Variants in UPF2 observed in about 807,000 individuals in gnomAD.
UPF2 encodes regulator of nonsense transcripts 2.
A neutral mutation model predicts 141.4 loss-of-function variants in UPF2; 17 were observed. That is an observed-to-expected ratio of 0.12 (90% CI 0.08 to 0.18). UPF2 has a LOEUF of 0.18. Ranked by LOEUF, UPF2 falls within the 10% of genes least tolerant of loss-of-function variation. UPF2 has a pLI of 1.00. For missense variants in UPF2, 1,152 were observed against 1,515.9 expected, an observed-to-expected ratio of 0.76 and a Z score of 3.99; for synonymous variants, 540 against 498.0, an observed-to-expected ratio of 1.08 and a Z score of -1.12.
At chr10:11,981,874 C>G (rs1417288816) in intron 8 of UPF2, among the ~76,000 whole-genome samples, 1 of 152,152 alleles carries the variant, frequency 6.6e-6, no homozygotes, top group Non-Finnish European at 1.5e-5. Flanking sequence ...TTAGCAGAGA[C>G]AGGGTTTCCC....
At chr10:11,970,791 G>A (rs549374208) in intron 9 of UPF2, among the ~76,000 whole-genome samples, 3 of 151,942 alleles carry the variant, frequency 2.0e-5, no homozygotes, top group Admixed American at 6.6e-5. Context: ...CAGCCCGGGC[G>A]ACAGAGTGAG....
At chr10:12,011,542 A>G (rs1010242441) in intron 4 of UPF2, among the ~76,000 whole-genome samples, 1 of 152,236 alleles carries the variant, frequency 6.6e-6, no homozygotes, top group African/African-American at 2.4e-5. Context: ...CAGAGGTTGC[A>G]GTGAGCCGGG....
intron 21 of UPF2, among the ~76,000 whole-genome samples, chr10:11,922,299 C>T (rs1338504437): frequency 6.6e-6 from 1 of 152,180 alleles, no homozygotes; most frequent in Non-Finnish European, 1.5e-5. Context: ...GCAGCCCAAG[C>T]AGATGAACAG....
At chr10:12,000,063 A>C in intron 6 of UPF2, 54 bp from the exon 7 acceptor site, 1 of 1,408,072 alleles carries the variant, frequency 7.1e-7, no homozygotes, top group Non-Finnish European at 9.8e-7. Flanking sequence ...ACACAGAATA[A>C]AAACATCCAA....
At chr10:11,969,722 G>T (rs1833383951) in intron 9 of UPF2, among the ~76,000 whole-genome samples, 1 of 152,200 alleles carries the variant, frequency 6.6e-6, no homozygotes, top group Non-Finnish European at 1.5e-5. Flanking sequence ...TTCGAGGATT[G>T]ATTGAGTGTG....
intron 1 of UPF2, among the ~76,000 whole-genome samples, chr10:12,037,807 T>C (rs1834659252): frequency 6.6e-6 from 1 of 152,208 alleles, no homozygotes; most frequent in Non-Finnish European, 1.5e-5. Flanking sequence ...AATATTGATA[T>C]TTTTTAAATA....
chr10:11,990,173 AG>A lies in UPF2; in HGVS notation c.1844+7498del, dbSNP rs560696723. ...AAGAAAAGGGAAAGCTGGCCCAAAC[AG>A]GGCAGATCTTCAAATATGCCATCAA... On this transcript the variant is annotated intron_variant, in intron 8 of 21. Coordinates refer to ENST00000357604, the MANE Select transcript of UPF2 (RefSeq NM_015542.4). 1.5e-3 allele frequency among the ~76,000 whole-genome samples: 232 copies of A among 152,356 alleles called. 1 individual carries two copies. Among genetic ancestry groups the A allele is most frequent in the African/African-American group, 5.1e-3 (214 of 41,574 alleles).
rs1437574489 is a variant in UPF2, at chr10:11,959,153, TGATTTCATAA to T, written c.2370+8_2370+17del. 6.4e-7 allele frequency: 1 copy of T among 1,561,114 alleles called. No individual in the cohort carries two copies. The highest frequency in any genetic ancestry group is 8.6e-7 in the Non-Finnish European group (1 of 1,159,450). The stretch of plus-strand genomic sequence containing the variant: ...AATCTCACGTTAACTATTAACTGCA[TGATTTCATAA>T]GATTTACCTTCTCGGTGGTAACCTT... On this transcript the variant is annotated splice_region_variant and intron_variant, in intron 12 of 21. Coordinates refer to ENST00000357604, the MANE Select transcript of UPF2 (RefSeq NM_015542.4). This position sits in a 1 kb window ranked among gnomAD's most constrained non-coding sequence, Gnocchi z 5.9.
At chr10:12,024,753 G>T (rs1246072216) in intron 3 of UPF2, among the ~76,000 whole-genome samples, 1 of 151,618 alleles carries the variant, frequency 6.6e-6, no homozygotes, top group Non-Finnish European at 1.5e-5. Context: ...AGCAACATAG[G>T]GAGCTCCCTC....
chr10:11,956,175 T>G lies in UPF2; in HGVS notation c.2574+145A>C. On this transcript the variant is annotated intron_variant, in intron 13 of 21. Coordinates refer to ENST00000357604, the MANE Select transcript of UPF2 (RefSeq NM_015542.4). This position sits in a 1 kb window ranked among gnomAD's most constrained non-coding sequence, Gnocchi z 4.2. ...AAAAAAAAAAAAAGAGGAAAGTGTTTACAGGAAATTCTTATAAAATGATTA... is the reference window on the plus strand; with the variant it reads ...AAAAAAAAAAAAAGAGGAAAGTGTTGACAGGAAATTCTTATAAAATGATTA... 1 of 838,608 alleles carries G rather than the reference T, an allele frequency of 1.2e-6. No individual in the cohort carries two copies. The allele number at this position is 838,608 out of a possible 1,614,324, so 51.9% of individuals were successfully genotyped here.
chr10:11,990,678 C>A (rs865857702), intron 8 of UPF2, among the ~76,000 whole-genome samples: 364 of 97,768 alleles, frequency 3.7e-3, no homozygotes, highest in African/African-American at 3.9e-3. Flanking sequence ...GACTCTGTCT[C>A]AAAAAAAAAA....
chr10:12,037,599 T>C (rs191212599), intron 1 of UPF2, among the ~76,000 whole-genome samples: 5 of 151,640 alleles, frequency 3.3e-5, no homozygotes, highest in Admixed American at 3.3e-4. Flanking sequence ...TTCACCATAT[T>C]GGCCAGGCTG....
chr10:11,953,414 T>G lies in UPF2; in HGVS notation c.2851-1165A>C, dbSNP rs1833102893. ...TCCTTTCTTCCTGACCTTCTAATAC[T>G]AAACTGTACACTCCATGTTCTGGGT... On this transcript the variant is annotated intron_variant, in intron 14 of 21. Coordinates refer to ENST00000357604, the MANE Select transcript of UPF2 (RefSeq NM_015542.4). This position sits in a 1 kb window ranked among gnomAD's most constrained non-coding sequence, Gnocchi z 5.0. Among the ~76,000 whole-genome samples, 1 of 152,200 alleles carries G rather than the reference T, an allele frequency of 6.6e-6. No individual in the cohort carries two copies. Among genetic ancestry groups the G allele is most frequent in the South Asian group, 2.1e-4 (1 of 4,832 alleles).
At chr10:11,972,415 G>A (rs1215192541) in intron 9 of UPF2, among the ~76,000 whole-genome samples, 2 of 151,878 alleles carry the variant, frequency 1.3e-5, no homozygotes, top group Non-Finnish European at 2.9e-5. Context: ...TAAGTTCTAG[G>A]GTGCATGTGC....
intron 8 of UPF2, among the ~76,000 whole-genome samples, chr10:11,991,839 GA>G (rs1242920427): frequency 9.9e-5 from 15 of 152,254 alleles, no homozygotes; most frequent in African/African-American, 3.4e-4. Flanking sequence ...CACTTTTTGA[GA>G]AAACTATTAG....
chr10:11,981,308 TA>T (rs1833589476), intron 8 of UPF2, among the ~76,000 whole-genome samples: 1 of 152,232 alleles, frequency 6.6e-6, no homozygotes, highest in African/African-American at 2.4e-5. Flanking sequence ...TAGTTTTTAC[TA>T]ATGTGCTGGG....
chr10:12,040,434 A>C (rs1429998511), intron 1 of UPF2, among the ~76,000 whole-genome samples: 2 of 152,170 alleles, frequency 1.3e-5, no homozygotes, highest in African/African-American at 4.8e-5. Context: ...AAAAACAAAA[A>C]ACAAAAAACA....
Position 12,014,082 on chromosome 10 carries a change from T to C in UPF2, c.1248A>G (p.Leu416=). 1 of 1,601,336 alleles carries C rather than the reference T, an allele frequency of 6.2e-7. No individual in the cohort carries two copies. Among genetic ancestry groups the C allele is most frequent in the Non-Finnish European group, 8.5e-7 (1 of 1,173,186 alleles). Residue 416 remains leucine, a synonymous_variant, in exon 4 of 22, where the codon TTA becomes TTG. Transcript: ENST00000357604. This position sits in a 1 kb window ranked among gnomAD's most constrained non-coding sequence, Gnocchi z 5.0. ...YQKLLANSQS[L]ADLLDENMPD... is the part of the protein sequence containing the mutation. ...GCATATTTTCATCCAAAAGGTCTGCTAAGGATTGAGAATTTGCCAGCAGCT... is the reference window on the plus strand; with the variant it reads ...GCATATTTTCATCCAAAAGGTCTGCCAAGGATTGAGAATTTGCCAGCAGCT...
chr10:12,037,803 G>C (rs1834659147), intron 1 of UPF2, among the ~76,000 whole-genome samples: 1 of 151,894 alleles, frequency 6.6e-6, no homozygotes, highest in Non-Finnish European at 1.5e-5. Flanking sequence ...TTGTAATATT[G>C]ATATTTTTTA....
Sources: allele counts gnomAD v4.1 joint callset (sites outside exome capture counted in the v4.1 genomes callset), GRCh38; gene constraint gnomAD v4.1.1; non-coding constraint Gnocchi (gnomAD v3.1); transcripts MANE v1.5; gene names NCBI Gene and HGNC (gene_info 2026-07-23, HGNC 2026-07-21).